Variants in TBC1D19 observed in about 807,000 individuals in gnomAD.
The protein encoded by TBC1D19 is TBC1 domain family, member 19.
A neutral mutation model predicts 89.0 loss-of-function variants in TBC1D19; 60 were observed. The observed-to-expected ratio is 0.67, with a 90% confidence interval of 0.55 to 0.84. The LOEUF is 0.84. TBC1D19 is among the 40% of genes least tolerant of loss of function. TBC1D19 has a pLI of 0.00. For missense variants in TBC1D19, 500 were observed against 610.8 expected (o/e 0.82, Z 1.91); for synonymous variants, 189 against 199.7 (o/e 0.95, Z 0.45).
chr4:26,807,853 C>T, the TBC1D19 span, among the ~76,000 whole-genome samples: 13 of 152,164 alleles, frequency 8.5e-5, no homozygotes, highest in African/African-American at 2.4e-4. Context: ...CTATGCTATG[C>T]GAGGCACCAT....
intron 11 of TBC1D19, among the ~76,000 whole-genome samples, chr4:26,682,322 A>C (rs1713419639): frequency 6.6e-6 from 1 of 152,246 alleles, no homozygotes; most frequent in South Asian, 2.1e-4. Context: ...ATAAGGACCA[A>C]TTAAGGCTTT....
At chr4:26,853,534 C>CT in the TBC1D19 span, among the ~76,000 whole-genome samples, 93 of 147,776 alleles carry the variant, frequency 6.3e-4, no homozygotes, top group African/African-American at 1.4e-3. Context: ...AGAGAAACAA[C>CT]TTTTTTTTTT....
chr4:26,701,202 A>G (rs1249903223), intron 13 of TBC1D19, among the ~76,000 whole-genome samples: 4 of 152,162 alleles, frequency 2.6e-5, no homozygotes, highest in Admixed American at 2.6e-4. Flanking sequence ...GACTTAACAG[A>G]CAAAAACTTC....
At chr4:26,685,071 T>A (rs1560470636) in intron 12 of TBC1D19, among the ~76,000 whole-genome samples, 1 of 152,194 alleles carries the variant, frequency 6.6e-6, no homozygotes, top group South Asian at 2.1e-4. Flanking sequence ...AAAGCAATCA[T>A]TGGTGGCCTG....
intron 7 of TBC1D19, among the ~76,000 whole-genome samples, chr4:26,640,553 G>C (rs1482243097): frequency 6.6e-6 from 1 of 152,186 alleles, no homozygotes; most frequent in Non-Finnish European, 1.5e-5. Context: ...ATTGGGACAG[G>C]TCAGAAAGTG....
At chr4:26,681,516 A>T (rs914246331) in intron 11 of TBC1D19, among the ~76,000 whole-genome samples, 1 of 152,058 alleles carries the variant, frequency 6.6e-6, no homozygotes, top group African/African-American at 2.4e-5. Context: ...GTGCCACTGC[A>T]CTCCAGCCTG....
At chr4:26,577,882 C>T (rs1739005085) in intron 1 of TBC1D19, among the ~76,000 whole-genome samples, 1 of 152,124 alleles carries the variant, frequency 6.6e-6, no homozygotes. Flanking sequence ...TAAACACATG[C>T]ATATTTTGGA....
intron 5 of TBC1D19, among the ~76,000 whole-genome samples, chr4:26,637,679 G>A (rs895130747): frequency 1.3e-5 from 2 of 152,024 alleles, no homozygotes; most frequent in African/African-American, 4.8e-5. Context: ...GCCTATTTAT[G>A]TATTTTTACT....
intron 4 of TBC1D19, among the ~76,000 whole-genome samples, chr4:26,628,028 T>C (rs1052657420): frequency 6.6e-6 from 1 of 152,156 alleles, no homozygotes; most frequent in African/African-American, 2.4e-5. Flanking sequence ...AGGTCTAACG[T>C]TTAAGTCTTT....
intron 1 of TBC1D19, among the ~76,000 whole-genome samples, chr4:26,589,012 C>T (rs1423940420): frequency 6.6e-6 from 1 of 152,024 alleles, no homozygotes; most frequent in African/African-American, 2.4e-5. Flanking sequence ...GCTTCAGATT[C>T]CTTTGAAACT....
At position 26,659,577 on chromosome 4, in the gene TBC1D19, T is replaced by C. The variant is rs1745087837; in HGVS notation, c.481-20T>C. 6.6e-7 allele frequency: 1 copy of C among 1,509,008 alleles called. No individual in the cohort carries two copies. The highest frequency in any genetic ancestry group is 1.4e-5 in the African/African-American group (1 of 73,042). The allele number at this position is 1,509,008 out of a possible 1,614,324, so 93.5% of individuals were successfully genotyped here. A position where few individuals can be genotyped will look rare whatever the true frequency, so the allele number is the denominator to read the frequency against. ...ATCCTGGAAAGAAACTAACCAATTT[T>C]GTTGGATTTGTTTTTAAAGGTATTA... On this transcript the variant is annotated intron_variant, in intron 7 of 20. Transcript: ENST00000264866.
At chr4:26,608,295 G>A (rs942487656) in intron 1 of TBC1D19, among the ~76,000 whole-genome samples, 5 of 152,052 alleles carry the variant, frequency 3.3e-5, no homozygotes, top group Non-Finnish European at 7.4e-5. Context: ...TACAGAAATT[G>A]GATATTGAGG....
chr4:26,794,830 CCAAT>C, the TBC1D19 span, among the ~76,000 whole-genome samples: 9 of 152,050 alleles, frequency 5.9e-5, no homozygotes, highest in African/African-American at 2.2e-4. Flanking sequence ...AAAAAATCAG[CCAAT>C]CAGTCAGAAA....
At chr4:26,674,821 A>G (rs1003885873) in intron 11 of TBC1D19, among the ~76,000 whole-genome samples, 1 of 152,036 alleles carries the variant, frequency 6.6e-6, no homozygotes, top group African/African-American at 2.4e-5. Flanking sequence ...ATTACATTTA[A>G]TCATGTTATA....
At chr4:26,613,016 A>G (rs1741477307) in intron 1 of TBC1D19, among the ~76,000 whole-genome samples, 153 bp from the exon 2 acceptor site, 1 of 152,018 alleles carries the variant, frequency 6.6e-6, no homozygotes, top group African/African-American at 2.4e-5. Context: ...GATAGTTCTA[A>G]GCTCTATCTT....
intron 15 of TBC1D19, among the ~76,000 whole-genome samples, chr4:26,725,446 C>G (rs1470254653): frequency 6.6e-6 from 1 of 152,018 alleles, no homozygotes; most frequent in Non-Finnish European, 1.5e-5. Flanking sequence ...AAGTCTTGCT[C>G]TGTCGTCCAG....
the TBC1D19 span, among the ~76,000 whole-genome samples, chr4:26,804,015 C>T: frequency 1.3e-5 from 2 of 151,130 alleles, no homozygotes; most frequent in East Asian, 3.9e-4. Flanking sequence ...CTTCCTCACT[C>T]AGACAATTTG....
At chr4:26,717,751 AC>A (rs1277642307) in intron 13 of TBC1D19, among the ~76,000 whole-genome samples, 181 bp from the exon 14 acceptor site, 1 of 151,890 alleles carries the variant, frequency 6.6e-6, no homozygotes, top group Non-Finnish European at 1.5e-5. Context: ...AATGGTGAGA[AC>A]TCTTTGGAAG....
rs778047823 is a variant in TBC1D19 at position 26,673,849 on chromosome 4, A to G, written c.777A>G (p.Glu259=). 6.2e-7 allele frequency: 1 copy of G among 1,608,730 alleles called. No homozygotes were observed. The highest frequency in any genetic ancestry group is 8.5e-7 in the Non-Finnish European group (1 of 1,176,748). ...GAAGTCCCACGGCACTGAGAGCTGA[A>G]TTGTGGGCTCTCATTTTGAATATTT... ...RQGSPTALRA[E]LWALILNISS... The change falls in exon 11 of 21, where the codon GAA becomes GAG. Residue 259 remains glutamate (E), a synonymous_variant. Coordinates refer to ENST00000264866, the MANE Select transcript of TBC1D19 (RefSeq NM_018317.4).
Sources: allele counts gnomAD v4.1 joint callset (sites outside exome capture counted in the v4.1 genomes callset), GRCh38; gene constraint gnomAD v4.1.1; transcripts MANE v1.5; gene names NCBI Gene and HGNC (gene_info 2026-07-23, HGNC 2026-07-21).